Variants in TRPC7 observed in about 807,000 individuals in gnomAD.
TRPC7 encodes transient receptor potential cation channel subfamily C member 7.
TRPC7 carries 42 observed loss-of-function variants against 90.1 expected under a neutral mutation model. The observed-to-expected ratio is 0.47, with a 90% CI of 0.36 to 0.60. The LOEUF (loss-of-function observed/expected upper bound fraction) is 0.60. Ranked by LOEUF, TRPC7 falls within the 20% of genes least tolerant of loss-of-function variation. The pLI, the probability that TRPC7 is intolerant of heterozygous loss-of-function variation, is 0.00. For synonymous variants in TRPC7, 451 were observed against 436.3 expected, an observed-to-expected ratio of 1.03 and a Z score of -0.42; for missense variants, 955 against 1,112.3, an observed-to-expected ratio of 0.86 and a Z score of 2.01.
Position 136,231,341 on chromosome 5 carries a change from G to T in TRPC7, c.2040+13C>A, listed in dbSNP as rs1304452331. ...ATGAAGGAGAGCAAGCATTTTCAGT[G>T]ACCTGGCCTTACCTCAATTTCCTGA... On this transcript the variant is annotated intron_variant, in intron 8 of 11. Coordinates refer to ENST00000513104, the MANE Select transcript of TRPC7 (RefSeq NM_020389.3). 6.3e-7 allele frequency: 1 copy of T among 1,580,540 alleles called. No homozygotes were observed. Among genetic ancestry groups the T allele is most frequent in the South Asian group, 1.2e-5 (1 of 86,306 alleles).
chr5:136,266,111 G>A (rs768600843), intron 5 of TRPC7, 109 bp downstream of exon 5: 1 of 969,842 alleles, frequency 1.0e-6, no homozygotes, highest in Non-Finnish European at 1.6e-6. Context: ...TCACCATTTT[G>A]TCTATCAGGA....
intron 3 of TRPC7, among the ~76,000 whole-genome samples, chr5:136,298,283 C>T (rs1758253294): frequency 1.3e-5 from 2 of 152,170 alleles, no homozygotes; most frequent in South Asian, 4.2e-4. Context: ...CAGTAACTTC[C>T]CTGGGCGGGA....
chr5:136,261,383 C>T (rs558571671), intron 5 of TRPC7, among the ~76,000 whole-genome samples: 20 of 152,258 alleles, frequency 1.3e-4, no homozygotes, highest in African/African-American at 4.8e-4. Flanking sequence ...TACATGTTCC[C>T]GCTACTGCAT....
At chr5:136,287,710 A>C (rs1757772601) in intron 3 of TRPC7, among the ~76,000 whole-genome samples, 1 of 142,464 alleles carries the variant, frequency 7.0e-6, no homozygotes, top group African/African-American at 2.7e-5. Flanking sequence ...AAAAAAAAAA[A>C]AAAAAAAAAA....
At chr5:136,250,306 G>C (rs374287848) in intron 6 of TRPC7, among the ~76,000 whole-genome samples, 2 of 152,148 alleles carry the variant, frequency 1.3e-5, no homozygotes, top group Non-Finnish European at 2.9e-5. Flanking sequence ...TGCGTTAAGC[G>C]AACAACCCTC....
At chr5:136,257,772 AT>A (rs1336842400) in intron 5 of TRPC7, among the ~76,000 whole-genome samples, 1 of 152,208 alleles carries the variant, frequency 6.6e-6, no homozygotes, top group East Asian at 1.9e-4. Context: ...TGCAACCGGT[AT>A]TTTTTAAATG....
At chr5:136,286,235 A>G (rs985673765) in intron 3 of TRPC7, among the ~76,000 whole-genome samples, 3 of 152,168 alleles carry the variant, frequency 2.0e-5, no homozygotes, top group Non-Finnish European at 4.4e-5. Context: ...AAAGATGGTG[A>G]CAATAATATG....
intron 2 of TRPC7, among the ~76,000 whole-genome samples, chr5:136,334,506 G>T (rs1387352877): frequency 1.3e-5 from 2 of 152,210 alleles, no homozygotes; most frequent in African/African-American, 2.4e-5. Context: ...AGTCTGGGCT[G>T]ACACTCCTCT....
chr5:136,261,023 C>G (rs1756840149), intron 5 of TRPC7, among the ~76,000 whole-genome samples: 1 of 152,158 alleles, frequency 6.6e-6, no homozygotes, highest in South Asian at 2.1e-4. Flanking sequence ...ACGAGGCCTT[C>G]TTGGAGGTGC....
intron 2 of TRPC7, among the ~76,000 whole-genome samples, chr5:136,332,407 G>C (rs765984114): frequency 6.6e-6 from 1 of 152,122 alleles, no homozygotes; most frequent in Non-Finnish European, 1.5e-5. Flanking sequence ...GCACTGACTG[G>C]AGGGCTTCAA....
chr5:136,288,964 C>A (rs955005267), intron 3 of TRPC7, among the ~76,000 whole-genome samples: 1 of 152,168 alleles, frequency 6.6e-6, no homozygotes, highest in African/African-American at 2.4e-5. Context: ...TCTTTGTAAA[C>A]CCTCCCTAAT....
intron 9 of TRPC7, 47 bp downstream of exon 9, chr5:136,225,986 GC>G (rs781503013): frequency 1.3e-6 from 2 of 1,495,120 alleles, no homozygotes; most frequent in Admixed American, 2.0e-5. Context: ...AGACTCGCCT[GC>G]CCCCTCCTGC....
chr5:136,247,327 T>TA lies in TRPC7; in HGVS notation c.1844+143dup, dbSNP rs1756373039. ...CTGTTCAACTCCAGAACCTGAACTC[T>TA]AAACCACCCTTGAATAAAGTTGCCT... On this transcript the variant is annotated intron_variant, in intron 7 of 11. Transcript: ENST00000513104. This position sits in a 1 kb window ranked among gnomAD's most constrained non-coding sequence, Gnocchi z 4.2. 1.7e-5 allele frequency: 15 copies of TA among 901,618 alleles called. No homozygotes were observed. Among genetic ancestry groups the TA allele is most frequent in the Admixed American group, 3.0e-5 (1 of 33,048 alleles). 55.9% of individuals were successfully genotyped at this position (901,618 alleles called of 1,614,324 possible). A position where few individuals can be genotyped will look rare whatever the true frequency, so the allele number is the denominator to read the frequency against.
Position 136,220,841 on chromosome 5 carries a change from C to CGA in TRPC7, c.2343+4431_2343+4432dup, listed in dbSNP as rs549171382. On this transcript the variant is annotated intron_variant, in intron 10 of 11. Coordinates refer to ENST00000513104, the MANE Select transcript of TRPC7 (RefSeq NM_020389.3). ...GCTCAGGTGGGCATCATGGTCCTAC[C>CGA]GATATATGATGTCACCCCCGGAGGC... Among the ~76,000 whole-genome samples the CGA allele has an allele frequency of 9.2e-5, 14 of 152,112 alleles. 1 individual carries two copies. The East Asian group carries it at 2.5e-3, about 27-fold the overall frequency.
At chr5:136,289,193 G>A (rs560110637) in intron 3 of TRPC7, among the ~76,000 whole-genome samples, 8 of 152,260 alleles carry the variant, frequency 5.3e-5, no homozygotes, top group South Asian at 2.1e-4. Context: ...CAAGATGGCC[G>A]AATAGGAACA....
intron 10 of TRPC7, among the ~76,000 whole-genome samples, chr5:136,220,928 T>C (rs979185637): frequency 1.3e-5 from 2 of 152,106 alleles, no homozygotes; most frequent in African/African-American, 2.4e-5. Flanking sequence ...CCGACAATTA[T>C]GGAAAATAGA....
intron 10 of TRPC7, among the ~76,000 whole-genome samples, chr5:136,220,841 C>T (rs780370314): frequency 2.0e-5 from 3 of 151,996 alleles, no homozygotes; most frequent in Non-Finnish European, 2.9e-5. Context: ...ATGGTCCTAC[C>T]GATATATGAT....
intron 2 of TRPC7, among the ~76,000 whole-genome samples, chr5:136,338,140 A>C (rs910449942): frequency 5.3e-5 from 8 of 152,142 alleles, no homozygotes; most frequent in Non-Finnish European, 1.0e-4. Flanking sequence ...TAGCAGTCTC[A>C]CTCTGGAGCT....
At chr5:136,228,631 G>A (rs1262261410) in intron 8 of TRPC7, among the ~76,000 whole-genome samples, 1 of 151,966 alleles carries the variant, frequency 6.6e-6, no homozygotes, top group Non-Finnish European at 1.5e-5. Flanking sequence ...CAGGGGGCTG[G>A]GGTGGGGGGA....
Sources: gnomAD v4.1 joint callset for allele counts (sites outside exome capture counted in the v4.1 genomes callset) on GRCh38, gnomAD v4.1.1 for gene constraint, Gnocchi (gnomAD v3.1) non-coding constraint, MANE v1.5 for transcripts, NCBI Gene and HGNC (gene_info 2026-07-23, HGNC 2026-07-21) for gene names.